LINGO2: variants seen among roughly 807,000 people sequenced by gnomAD.
LINGO2 encodes leucine rich repeat and Ig domain containing 2.
LINGO2 carries 14 observed loss-of-function variants against 30.6 expected under a neutral mutation model. The ratio of observed to expected loss-of-function variants is 0.46; its 90% CI spans 0.30 to 0.72. LINGO2 has a LOEUF of 0.72. Ranked by LOEUF, LINGO2 falls within the 30% of genes least tolerant of loss-of-function variation. The probability of loss-of-function intolerance (pLI) is 0.07; values close to 1 mark genes in which losing one functional copy is unlikely to be tolerated. For missense variants in LINGO2, 729 were observed against 751.7 expected (o/e 0.97, Z 0.35); for synonymous variants, 317 against 288.5 (o/e 1.10, Z -1.00).
intron 3 of LINGO2, among the ~76,000 whole-genome samples, chr9:28,324,370 C>G (rs1825150292): frequency 6.6e-6 from 1 of 152,056 alleles, no homozygotes. Context: ...GGTGTTTGAA[C>G]AAGAGCAACT....
chr9:28,615,062 G>A (rs76329245), intron 1 of LINGO2, among the ~76,000 whole-genome samples: 1,810 of 151,936 alleles, frequency 0.012, 29 homozygotes, highest in Admixed American at 0.034. Flanking sequence ...AATTAAGGGA[G>A]GACATTTTAA....
At chr9:29,020,709 T>C in the LINGO2 span, among the ~76,000 whole-genome samples, 1 of 151,954 alleles carries the variant, frequency 6.6e-6, no homozygotes, top group African/African-American at 2.4e-5. Flanking sequence ...AGAATAGAGC[T>C]GGAGCTGAGA....
At chr9:28,908,207 A>C in the LINGO2 span, among the ~76,000 whole-genome samples, 1 of 151,580 alleles carries the variant, frequency 6.6e-6, no homozygotes, top group African/African-American at 2.4e-5. Flanking sequence ...CACTGCTGTG[A>C]TAGTACAATC....
chr9:28,627,926 T>C (rs974117300), intron 1 of LINGO2, among the ~76,000 whole-genome samples: 2 of 152,094 alleles, frequency 1.3e-5, no homozygotes, highest in Admixed American at 1.3e-4. Flanking sequence ...GAGCTATATT[T>C]TAAATTTTTA....
chr9:28,940,835 T>C, the LINGO2 span, among the ~76,000 whole-genome samples: 1 of 152,126 alleles, frequency 6.6e-6, no homozygotes, highest in Non-Finnish European at 1.5e-5. Flanking sequence ...ACTTTGAATA[T>C]ACAACACCAA....
chr9:28,315,101 T>C (rs754859822), intron 3 of LINGO2, among the ~76,000 whole-genome samples: 5 of 150,896 alleles, frequency 3.3e-5, no homozygotes, highest in African/African-American at 1.2e-4. Flanking sequence ...CAAACGATCA[T>C]TGGTAACACA....
intron 4 of LINGO2, among the ~76,000 whole-genome samples, chr9:28,226,642 G>GGAAAGAAAGAAA (rs397959896): frequency 6.2e-4 from 33 of 53,248 alleles, no homozygotes; most frequent in African/African-American, 2.0e-3. Flanking sequence ...AAGGAAAGAA[G>GGAAAGAAAGAAA]GAAAGAAAGA....
chr9:29,154,606 T>C, the LINGO2 span, among the ~76,000 whole-genome samples: 1 of 152,172 alleles, frequency 6.6e-6, no homozygotes, highest in Non-Finnish European at 1.5e-5. Flanking sequence ...GTGGAGTTCC[T>C]TTGAAACTTT....
At chr9:29,188,589 T>C in the LINGO2 span, among the ~76,000 whole-genome samples, 1 of 152,156 alleles carries the variant, frequency 6.6e-6, no homozygotes, top group East Asian at 1.9e-4. Context: ...AGCTGTTGGG[T>C]ACACCTCCCA....
chr9:28,593,334 G>A (rs1339652929), intron 1 of LINGO2, among the ~76,000 whole-genome samples: 1 of 152,040 alleles, frequency 6.6e-6, no homozygotes, highest in East Asian at 1.9e-4. Flanking sequence ...CTGAAAGGGA[G>A]GATACTATTA....
intron 5 of LINGO2, among the ~76,000 whole-genome samples, chr9:27,964,277 A>T (rs935914200): frequency 6.6e-6 from 1 of 152,110 alleles, no homozygotes; most frequent in Non-Finnish European, 1.5e-5. Flanking sequence ...TTACAGGTGT[A>T]ATGCTAAAAT....
At chr9:27,973,461 A>C (rs1300900894) in intron 5 of LINGO2, among the ~76,000 whole-genome samples, 1 of 152,186 alleles carries the variant, frequency 6.6e-6, no homozygotes, top group East Asian at 1.9e-4. Flanking sequence ...CTCTATTCTA[A>C]GGAATTCACG....
intron 4 of LINGO2, among the ~76,000 whole-genome samples, chr9:28,092,772 C>T (rs1174498095): frequency 6.6e-6 from 1 of 151,602 alleles, no homozygotes; most frequent in Non-Finnish European, 1.5e-5. Context: ...TATCCAAAAC[C>T]AAGCAGCGTC....
chr9:28,417,231 G>C (rs1823003672), intron 2 of LINGO2, among the ~76,000 whole-genome samples: 1 of 152,184 alleles, frequency 6.6e-6, no homozygotes, highest in Non-Finnish European at 1.5e-5. Context: ...GCAGGGAGGA[G>C]AAGTTTAAAC....
chr9:28,027,530 A>C (rs1170202146), intron 4 of LINGO2, among the ~76,000 whole-genome samples: 4 of 152,154 alleles, frequency 2.6e-5, no homozygotes, highest in Non-Finnish European at 5.9e-5. Flanking sequence ...GCATGGGTGG[A>C]ATACAGCATG....
At chr9:28,396,672 C>A (rs983920034) in intron 2 of LINGO2, among the ~76,000 whole-genome samples, 10 of 117,434 alleles carry the variant, frequency 8.5e-5, no homozygotes, top group Middle Eastern at 7.6e-3. Context: ...CCACTGCACT[C>A]CAGCCTGGGT....
chr9:28,404,834 G>C (rs113565168), intron 2 of LINGO2, among the ~76,000 whole-genome samples: 6,000 of 152,038 alleles, frequency 0.039, 143 homozygotes, highest in Middle Eastern at 0.054. Flanking sequence ...TTTTAGAGTA[G>C]AAAGTAGTAG....
chr9:28,427,550 T>C lies in LINGO2; in HGVS notation c.-279+48390A>G, dbSNP rs1034563446. Among the ~76,000 whole-genome samples, 7 of 152,284 alleles carry C rather than the reference T, an allele frequency of 4.6e-5. No homozygotes were observed. In the South Asian group the frequency reaches 1.5e-3, roughly 32 times the overall value. On this transcript the variant is annotated intron_variant, in intron 2 of 5. Coordinates refer to ENST00000379992, the Ensembl canonical transcript of LINGO2. ...ATAAAGGTTAAATCATTTGCTTAAA[T>C]TCTACAATTAATATGATACAGATGG...
At chr9:29,144,322 A>G in the LINGO2 span, among the ~76,000 whole-genome samples, 1 of 152,136 alleles carries the variant, frequency 6.6e-6, no homozygotes, top group Non-Finnish European at 1.5e-5. Context: ...TTAATGGGGA[A>G]CAGCAATGAA....
Sources: allele counts gnomAD v4.1 joint callset (sites outside exome capture counted in the v4.1 genomes callset), GRCh38; gene constraint gnomAD v4.1.1; transcripts MANE v1.5; gene names NCBI Gene and HGNC (gene_info 2026-07-23, HGNC 2026-07-21).